ASXL1: variants seen among roughly 807,000 people sequenced by gnomAD.
ASXL1 encodes the protein ASXL transcriptional regulator 1, also known as polycomb group protein ASXL1.
ASXL1 carries 65 observed loss-of-function variants against 89.1 expected under a neutral mutation model. That is an observed-to-expected ratio of 0.73 (90% CI 0.60 to 0.90). The LOEUF (loss-of-function observed/expected upper bound fraction) is 0.90, where lower values mean the gene tolerates loss of function less well. Ranked by LOEUF, ASXL1 falls within the 40% of genes least tolerant of loss-of-function variation. The probability of loss-of-function intolerance (pLI) is 0.00; values close to 1 mark genes in which losing one functional copy is unlikely to be tolerated. For missense variants in ASXL1, 1,786 were observed against 1,942.9 expected (o/e 0.92, Z 1.52); for synonymous variants, 739 against 746.9 (o/e 0.99, Z 0.17).
At chr20:32,364,632 C>T (rs1203334109) in intron 1 of ASXL1, among the ~76,000 whole-genome samples, 3 of 152,208 alleles carry the variant, frequency 2.0e-5, no homozygotes, top group Non-Finnish European at 4.4e-5. Flanking sequence ...AGCTCCTGAG[C>T]GCAGCAAGTG....
intron 4 of ASXL1, among the ~76,000 whole-genome samples, chr20:32,423,455 G>A (rs1034173622): frequency 1.7e-4 from 26 of 152,000 alleles, no homozygotes; most frequent in African/African-American, 6.3e-4. Context: ...GCCCAGGCTG[G>A]TCTCGAACTC....
chr20:32,435,582 C>T lies in ASXL1; in HGVS notation c.2870C>T (p.Thr957Ile). The T allele has an allele frequency of 6.2e-7, 1 of 1,614,142 alleles. No individual in the cohort carries two copies. Among genetic ancestry groups the T allele is most frequent in the African/African-American group, 1.3e-5 (1 of 75,046 alleles). ...EEGLDPLDSL[T>I]SLWTVPSRGG... ...GGTCTAGATCCTCTTGACAGCCTTA[C>T]TTCACTCTGGACTGTGCCATCTCGA... is the stretch of plus-strand genomic sequence containing the variant. The change falls in exon 13 of 13, where the codon ACT becomes ATT. Residue 957 changes from threonine to isoleucine, a missense_variant. This residue lies in a region of ASXL1 where 1,418 missense variants were observed against 1,427.8 expected (regional missense o/e 0.99). Transcript: ENST00000375687.
At chr20:32,431,045 C>G in intron 8 of ASXL1, 1 of 623,386 alleles carries the variant, frequency 1.6e-6, no homozygotes, top group Admixed American at 2.1e-5. Context: ...CTGCCCCTTG[C>G]CTGATTTTCT....
intron 6 of ASXL1, among the ~76,000 whole-genome samples, 179 bp downstream of exon 6, chr20:32,428,601 C>G (rs1600574018): frequency 6.8e-6 from 1 of 148,080 alleles, no homozygotes; most frequent in Admixed American, 6.8e-5. Flanking sequence ...TAGGTTTGAG[C>G]AGAGTAAGTT....
chr20:32,426,947 C>A (rs367760921), intron 4 of ASXL1: 19 of 152,134 alleles, frequency 1.2e-4, no homozygotes, highest in Non-Finnish European at 2.9e-5. Context: ...GATCAAGAGA[C>A]TCATGAAATT....
intron 4 of ASXL1, among the ~76,000 whole-genome samples, chr20:32,392,219 G>T (rs1394398493): frequency 2.6e-5 from 4 of 151,392 alleles, no homozygotes; most frequent in Non-Finnish European, 5.9e-5. Flanking sequence ...GGCTCAAGCA[G>T]TCATCTCACT....
chr20:32,433,401 C>A lies in ASXL1; in HGVS notation c.1203C>A (p.Thr401=), dbSNP rs1600582490. The part of the protein sequence containing the change: ...ESVRIQRGPA[T]RQRDGHFKKR... ...TGCGTATACAGCGTGGTCCAGCCAC[C>A]CGACAGCGAGATGGGCATTTTAAGA... Residue 401 remains threonine, a synonymous_variant, in exon 12 of 13, where the codon ACC becomes ACA. Coordinates refer to ENST00000375687, the MANE Select transcript of ASXL1 (RefSeq NM_015338.6). 1 of 1,614,124 alleles carries A rather than the reference C, an allele frequency of 6.2e-7. No individual in the cohort carries two copies. The highest frequency in any genetic ancestry group is 8.5e-7 in the Non-Finnish European group (1 of 1,180,018).
At chr20:32,380,357 AAGC>A (rs1044720880) in intron 4 of ASXL1, among the ~76,000 whole-genome samples, 4 of 152,330 alleles carry the variant, frequency 2.6e-5, no homozygotes, top group Admixed American at 1.3e-4. Flanking sequence ...ATAAAGGAAA[AAGC>A]AGTGGAGGAA....
chr20:32,404,183 G>A (rs1236914999), intron 4 of ASXL1, among the ~76,000 whole-genome samples: 1 of 152,022 alleles, frequency 6.6e-6, no homozygotes, highest in Non-Finnish European at 1.5e-5. Context: ...CCCCTTCCCA[G>A]CTCTGGTAAC....
intron 4 of ASXL1, among the ~76,000 whole-genome samples, chr20:32,418,141 G>C (rs1224329781): frequency 6.6e-6 from 1 of 151,936 alleles, no homozygotes; most frequent in Non-Finnish European, 1.5e-5. Flanking sequence ...TGGAGCCACT[G>C]TACTCCAGCC....
chr20:32,434,456 CCCTGGGTGGTT>C lies in ASXL1; in HGVS notation c.1745_1755del (p.Pro582GlnfsTer33). ...GATTCAACTTTCACGTATCAAACCA[CCCTGGGTGGTT>C]AAAGGTCAGCCCACTTACCAGATAT... On this transcript the variant is annotated frameshift_variant, in exon 13 of 13. Coordinates refer to ENST00000375687, the MANE Select transcript of ASXL1 (RefSeq NM_015338.6). LOFTEE classifies it low-confidence loss of function (END_TRUNC). 6.2e-7 allele frequency: 1 copy of C among 1,614,102 alleles called. No individual in the cohort carries two copies. The highest frequency in any genetic ancestry group is 8.5e-7 in the Non-Finnish European group (1 of 1,180,020).
intron 4 of ASXL1, among the ~76,000 whole-genome samples, chr20:32,375,931 C>G (rs947722657): frequency 6.6e-6 from 1 of 152,156 alleles, no homozygotes; most frequent in Non-Finnish European, 1.5e-5. Context: ...AATCCTCCCA[C>G]CTCAGCCTCC....
chr20:32,424,305 T>G (rs1442416834), intron 4 of ASXL1, among the ~76,000 whole-genome samples: 1 of 152,070 alleles, frequency 6.6e-6, no homozygotes, highest in Non-Finnish European at 1.5e-5. Flanking sequence ...GAGGCTGAGG[T>G]GGGTGGATCA....
At chr20:32,359,701 C>G (rs2048077232) in intron 1 of ASXL1, 1 of 717,858 alleles carries the variant, frequency 1.4e-6, no homozygotes, top group African/African-American at 1.7e-5. Context: ...GAGGATTTAG[C>G]AAGGGAGAGC....
In ASXL1 at chr20:32,437,438, T is replaced by G. The variant is rs903319727; in HGVS notation, c.*100T>G. On this transcript the variant is annotated 3_prime_UTR_variant, in exon 13 of 13. Coordinates refer to ENST00000375687, the MANE Select transcript of ASXL1 (RefSeq NM_015338.6). ...AGAATATCATTGATATAATACTCTT[T>G]AGGCAGGAGCACTCTTGCCTTCCCC... 3.2e-6 allele frequency: 5 copies of G among 1,547,936 alleles called. No individual in the cohort carries two copies. The highest frequency in any genetic ancestry group is 1.4e-5 in the African/African-American group (1 of 73,642).
At chr20:32,402,093 T>C (rs1414936995) in intron 4 of ASXL1, among the ~76,000 whole-genome samples, 1 of 149,658 alleles carries the variant, frequency 6.7e-6, no homozygotes, top group Non-Finnish European at 1.5e-5. Context: ...TTGGCTTTTC[T>C]TTTTTAACTC....
intron 4 of ASXL1, among the ~76,000 whole-genome samples, chr20:32,399,258 A>G (rs759886319): frequency 5.9e-5 from 9 of 151,794 alleles, no homozygotes; most frequent in East Asian, 1.9e-4. Context: ...TTTTCTTTCA[A>G]TACTTTAAAG....
intron 4 of ASXL1, among the ~76,000 whole-genome samples, chr20:32,411,932 A>T (rs1178372185): frequency 1.3e-5 from 2 of 152,070 alleles, no homozygotes; most frequent in African/African-American, 4.8e-5. Context: ...AATTGCATGT[A>T]CTCCAGCTTT....
intron 4 of ASXL1, among the ~76,000 whole-genome samples, chr20:32,417,139 AT>A (rs1470217521): frequency 6.6e-6 from 1 of 152,110 alleles, no homozygotes; most frequent in Non-Finnish European, 1.5e-5. Flanking sequence ...TCTACATTTT[AT>A]TTTTTTAAAA....
Sources: allele counts gnomAD v4.1 joint callset (sites outside exome capture counted in the v4.1 genomes callset), GRCh38; gene constraint gnomAD v4.1.1; regional missense constraint gnomAD v4.1.1; transcripts MANE v1.5; gene names NCBI Gene and HGNC (gene_info 2026-07-23, HGNC 2026-07-21).